The following EIF2B3 variants were observed in gnomAD, a reference collection of about 807,000 sequenced individuals.
The protein encoded by EIF2B3 is eukaryotic translation initiation factor 2B subunit gamma, also known as translation initiation factor eIF2B subunit gamma.
Under a neutral mutation model 54.1 loss-of-function variants are expected in EIF2B3, and 20 were observed. That is an observed-to-expected ratio of 0.37 (90% confidence interval 0.26 to 0.54). The LOEUF (loss-of-function observed/expected upper bound fraction) is 0.54. EIF2B3 is among the 20% of genes least tolerant of loss of function. EIF2B3 has a pLI of 0.86. For missense variants in EIF2B3, 448 were observed against 547.8 expected, an observed-to-expected ratio of 0.82 and a Z score of 1.82; for synonymous variants, 153 against 188.1, an observed-to-expected ratio of 0.81 and a Z score of 1.52.
chr1:44,968,829 G>A (rs965488915), intron 3 of EIF2B3, among the ~76,000 whole-genome samples: 2 of 151,728 alleles, frequency 1.3e-5, no homozygotes, highest in Non-Finnish European at 1.5e-5. Flanking sequence ...CCTGGGAGGC[G>A]GAGGTTGCAG....
intron 10 of EIF2B3, among the ~76,000 whole-genome samples, chr1:44,871,771 A>G (rs1376157068): frequency 1.3e-5 from 2 of 152,116 alleles, no homozygotes; most frequent in Admixed American, 1.3e-4. Context: ...ATTATTTCCA[A>G]TAGGGTAGTT....
chr1:44,911,299 A>C (rs1643510299), intron 5 of EIF2B3, among the ~76,000 whole-genome samples: 1 of 152,206 alleles, frequency 6.6e-6, no homozygotes, highest in South Asian at 2.1e-4. Context: ...AAGATCCTGA[A>C]TCACTGGGGT....
intron 5 of EIF2B3, among the ~76,000 whole-genome samples, chr1:44,898,265 C>A (rs114454089): frequency 5.8e-4 from 88 of 152,276 alleles, no homozygotes; most frequent in Non-Finnish European, 1.1e-3. Context: ...GAATCCTTCA[C>A]TGACAACAGT....
chr1:44,877,214 A>AAAC (rs1655219919), intron 8 of EIF2B3, among the ~76,000 whole-genome samples: 7 of 148,434 alleles, frequency 4.7e-5, no homozygotes, highest in African/African-American at 1.8e-4. Flanking sequence ...AAAAAAAAAA[A>AAAC]AAAAAAAACA....
intron 4 of EIF2B3, among the ~76,000 whole-genome samples, chr1:44,927,525 C>G (rs1643865367): frequency 6.6e-6 from 1 of 152,148 alleles, no homozygotes; most frequent in South Asian, 2.1e-4. Context: ...CTGGGGATTA[C>G]ATTTCAACAA....
At chr1:44,910,152 C>A (rs2148921677) in intron 5 of EIF2B3, among the ~76,000 whole-genome samples, 1 of 152,218 alleles carries the variant, frequency 6.6e-6, no homozygotes, top group South Asian at 2.1e-4. Flanking sequence ...ATATTTGGCA[C>A]AAATATCTTT....
intron 5 of EIF2B3, among the ~76,000 whole-genome samples, chr1:44,905,810 T>C (rs1055472127): frequency 6.6e-6 from 1 of 152,174 alleles, no homozygotes; most frequent in Non-Finnish European, 1.5e-5. Flanking sequence ...TACTACAGAC[T>C]AGCAAAATTG....
At chr1:44,882,155 TG>T (rs1655421148) in intron 6 of EIF2B3, among the ~76,000 whole-genome samples, 1 of 152,234 alleles carries the variant, frequency 6.6e-6, no homozygotes, top group Non-Finnish European at 1.5e-5. Flanking sequence ...CGAGTTACTG[TG>T]CTAGGCCTTG....
chr1:44,856,089 T>TA (rs1209894580), intron 11 of EIF2B3, among the ~76,000 whole-genome samples: 1 of 152,138 alleles, frequency 6.6e-6, no homozygotes, highest in East Asian at 1.9e-4. Context: ...TGGAGAGGTA[T>TA]AATGGCACGG....
intron 3 of EIF2B3, among the ~76,000 whole-genome samples, chr1:44,963,272 G>C (rs933861772): frequency 6.6e-6 from 1 of 151,410 alleles, no homozygotes; most frequent in Non-Finnish European, 1.5e-5. Flanking sequence ...AAACCAGGGG[G>C]GAAATCTTTT....
At chr1:44,885,107 C>T (rs899156804) in intron 6 of EIF2B3, among the ~76,000 whole-genome samples, 3 of 152,174 alleles carry the variant, frequency 2.0e-5, no homozygotes, top group Middle Eastern at 3.2e-3. Flanking sequence ...GATACAGTGC[C>T]CTGGTCAACC....
chr1:44,916,961 T>C (rs1244470092), intron 5 of EIF2B3, among the ~76,000 whole-genome samples: 2 of 152,208 alleles, frequency 1.3e-5, no homozygotes, highest in Non-Finnish European at 2.9e-5. Flanking sequence ...TCAATCTGCA[T>C]ACTCAGTTTA....
intron 4 of EIF2B3, among the ~76,000 whole-genome samples, chr1:44,935,073 G>A (rs1557693040): frequency 6.6e-6 from 1 of 152,188 alleles, no homozygotes; most frequent in African/African-American, 2.4e-5. Context: ...TCTGGGCCAA[G>A]GCCATATAAC....
At chr1:44,977,481 T>C (rs1363015644) in intron 3 of EIF2B3, among the ~76,000 whole-genome samples, 1 of 152,048 alleles carries the variant, frequency 6.6e-6, no homozygotes, top group African/African-American at 2.4e-5. Flanking sequence ...TTTTTTTTTT[T>C]TGAGATGGGA....
chr1:44,880,376 G>A (rs1655351617), intron 7 of EIF2B3, among the ~76,000 whole-genome samples: 1 of 152,096 alleles, frequency 6.6e-6, no homozygotes, highest in South Asian at 2.1e-4. Flanking sequence ...TGCTTAATAC[G>A]AGGTCCTAAA....
At chr1:44,941,354 G>T in intron 4 of EIF2B3, 152 bp downstream of exon 4, 1 of 839,780 alleles carries the variant, frequency 1.2e-6, no homozygotes, top group Non-Finnish European at 1.8e-6. Context: ...TCCATTCAGG[G>T]ACTGTGTCTT....
intron 5 of EIF2B3, among the ~76,000 whole-genome samples, 155 bp from the exon 6 acceptor site, chr1:44,897,599 C>A (rs1656015743): frequency 1.3e-5 from 2 of 152,088 alleles, no homozygotes; most frequent in African/African-American, 4.8e-5. Context: ...GACAGTGGAC[C>A]CCAGCCCTGA....
At chr1:44,910,559 C>T (rs962142747) in intron 5 of EIF2B3, among the ~76,000 whole-genome samples, 2 of 151,262 alleles carry the variant, frequency 1.3e-5, no homozygotes, top group Admixed American at 1.3e-4. Flanking sequence ...TGCCTCTGCA[C>T]CTGACCATAT....
intron 10 of EIF2B3, among the ~76,000 whole-genome samples, chr1:44,866,664 C>A (rs1239753541): frequency 6.6e-6 from 1 of 152,078 alleles, no homozygotes; most frequent in East Asian, 1.9e-4. Flanking sequence ...AAGCGATTCT[C>A]CTGCCTCAGC....
Sources: allele counts gnomAD v4.1 joint callset (sites outside exome capture counted in the v4.1 genomes callset), GRCh38; gene constraint gnomAD v4.1.1; transcripts MANE v1.5; gene names NCBI Gene and HGNC (gene_info 2026-07-23, HGNC 2026-07-21).